Variants in RBFOX1 observed in about 807,000 individuals in gnomAD.
The protein encoded by RBFOX1 is RNA binding fox-1 homolog 1, also known as RNA binding protein fox-1 homolog 1.
A neutral mutation model predicts 57.7 loss-of-function variants in RBFOX1; 8 were observed. The ratio of observed to expected loss-of-function variants is 0.14; its 90% confidence interval spans 0.08 to 0.25. The LOEUF is 0.25. RBFOX1 is among the 10% of genes least tolerant of loss of function. The pLI, the probability that RBFOX1 is intolerant of heterozygous loss-of-function variation, is 1.00. For synonymous variants in RBFOX1, 326 were observed against 222.4 expected (o/e 1.47, Z -4.15); for missense variants, 611 against 548.5 (o/e 1.11, Z -1.14).
At chr16:5,395,262 G>C (rs535719888) in intron 1 of RBFOX1, among the ~76,000 whole-genome samples, 1 of 152,340 alleles carries the variant, frequency 6.6e-6, no homozygotes, top group East Asian at 1.9e-4. Flanking sequence ...CAGGCACAAA[G>C]GGTGGCTGCA....
chr16:6,527,508 T>A lies in RBFOX1; in HGVS notation c.-63-127095T>A, dbSNP rs546627164. ...AAGTTGAATGTATAATTTTTATGGA[T>A]TTTTGGTTATGTTTCTGTCTGTTCA... On this transcript the variant is annotated intron_variant, in intron 2 of 15. Transcript: ENST00000550418. 1.7e-4 allele frequency among the ~76,000 whole-genome samples: 26 copies of A among 152,262 alleles called. No individual in the cohort carries two copies. In the South Asian group the frequency reaches 3.7e-3, roughly 22 times the overall value.
intron 2 of RBFOX1, among the ~76,000 whole-genome samples, chr16:6,619,381 C>G: frequency 6.6e-6 from 1 of 152,158 alleles, no homozygotes; most frequent in Non-Finnish European, 1.5e-5. Flanking sequence ...ATGCCAAGCC[C>G]CACATAAAAG....
chr16:5,639,704 G>T (rs999699587), intron 3 of RBFOX1, among the ~76,000 whole-genome samples: 1 of 152,152 alleles, frequency 6.6e-6, no homozygotes, highest in African/African-American at 2.4e-5. Flanking sequence ...GGCTGTAGGT[G>T]GCTGAGGTGG....
At chr16:6,596,761 G>GGAT (rs2097780228) in intron 2 of RBFOX1, among the ~76,000 whole-genome samples, 1 of 152,100 alleles carries the variant, frequency 6.6e-6, no homozygotes, top group Non-Finnish European at 1.5e-5. Flanking sequence ...CTTCCTTCTT[G>GGAT]GATATACATG....
At chr16:6,968,821 G>T (rs201273308) in intron 3 of RBFOX1, among the ~76,000 whole-genome samples, 538 of 142,070 alleles carry the variant, frequency 3.8e-3, no homozygotes, top group Non-Finnish European at 4.8e-3. Context: ...AGGTTTTTTT[G>T]TTTTTTTTTT....
chr16:5,251,405 T>C (rs553547333), intron 1 of RBFOX1, among the ~76,000 whole-genome samples: 62 of 152,362 alleles, frequency 4.1e-4, no homozygotes, highest in African/African-American at 1.3e-3. Context: ...GGGCTGTTGC[T>C]GATACGTGGT....
intron 4 of RBFOX1, among the ~76,000 whole-genome samples, chr16:7,498,076 C>G (rs762819644): frequency 2.0e-5 from 3 of 152,176 alleles, no homozygotes; most frequent in Non-Finnish European, 2.9e-5. Flanking sequence ...AAGTTATGTT[C>G]TGTTCCGAAG....
intron 3 of RBFOX1, among the ~76,000 whole-genome samples, chr16:6,785,020 C>A (rs2081688592): frequency 6.6e-6 from 1 of 152,028 alleles, no homozygotes; most frequent in East Asian, 1.9e-4. Flanking sequence ...ATTTGTTGCA[C>A]TTCTGAGTGA....
At chr16:7,144,540 T>A (rs1330060586) in intron 4 of RBFOX1, among the ~76,000 whole-genome samples, 2 of 148,670 alleles carry the variant, frequency 1.3e-5, no homozygotes, top group Non-Finnish European at 3.0e-5. Context: ...TGTTCCTGCC[T>A]CAGCCGCAAA....
chr16:7,284,976 G>A (rs965177459), intron 4 of RBFOX1, among the ~76,000 whole-genome samples: 6 of 148,030 alleles, frequency 4.1e-5, no homozygotes, highest in East Asian at 2.0e-4. Flanking sequence ...CCTCGCCAAC[G>A]CCTCATCCCT....
chr16:6,570,190 G>A (rs749501289), intron 2 of RBFOX1, among the ~76,000 whole-genome samples: 4 of 152,168 alleles, frequency 2.6e-5, no homozygotes, highest in Admixed American at 6.5e-5. Flanking sequence ...ACAAGGACAC[G>A]ATTTCATTGA....
intron 1 of RBFOX1, among the ~76,000 whole-genome samples, chr16:6,275,772 A>G (rs1442603992): frequency 6.6e-6 from 1 of 152,228 alleles, no homozygotes; most frequent in Non-Finnish European, 1.5e-5. Context: ...AAATAGAAGA[A>G]AGTGATTATT....
At chr16:6,976,400 C>T (rs1441458983) in intron 3 of RBFOX1, among the ~76,000 whole-genome samples, 1 of 152,036 alleles carries the variant, frequency 6.6e-6, no homozygotes, top group Non-Finnish European at 1.5e-5. Flanking sequence ...TTTCAGAATC[C>T]AGTTTCCAGA....
intron 3 of RBFOX1, among the ~76,000 whole-genome samples, chr16:5,785,468 A>G (rs190368383): frequency 6.6e-6 from 1 of 152,096 alleles, no homozygotes; most frequent in East Asian, 1.9e-4. Context: ...TACCTTCTGT[A>G]TATTATCAGG....
At chr16:6,795,952 G>T (rs1364306093) in intron 3 of RBFOX1, among the ~76,000 whole-genome samples, 1 of 151,988 alleles carries the variant, frequency 6.6e-6, no homozygotes, top group African/African-American at 2.4e-5. Context: ...GAAACATTGG[G>T]ATAAGGGAAT....
chr16:7,683,321 C>G (rs931355855), intron 14 of RBFOX1, among the ~76,000 whole-genome samples: 1 of 151,532 alleles, frequency 6.6e-6, no homozygotes, highest in Admixed American at 6.6e-5. Flanking sequence ...AAATCACACA[C>G]ACACAGAGAC....
At chr16:6,369,134 A>G (rs1308019421) in intron 2 of RBFOX1, among the ~76,000 whole-genome samples, 1 of 152,208 alleles carries the variant, frequency 6.6e-6, no homozygotes, top group East Asian at 1.9e-4. Context: ...GGGATAACTA[A>G]GGGATTCCTA....
intron 4 of RBFOX1, among the ~76,000 whole-genome samples, chr16:5,968,620 G>A (rs187281345): frequency 2.3e-3 from 343 of 152,124 alleles, no homozygotes; most frequent in Middle Eastern, 6.8e-3. Context: ...CAAGATGCCT[G>A]AAGATTTTTT....
At chr16:7,580,176 A>C (rs1022854305) in intron 6 of RBFOX1, among the ~76,000 whole-genome samples, 13 of 152,214 alleles carry the variant, frequency 8.5e-5, no homozygotes, top group African/African-American at 3.1e-4. Flanking sequence ...GCCAAATGGA[A>C]CACAAATTCC....
Sources: allele counts gnomAD v4.1 joint callset (sites outside exome capture counted in the v4.1 genomes callset), GRCh38; gene constraint gnomAD v4.1.1; transcripts MANE v1.5; gene names NCBI Gene and HGNC (gene_info 2026-07-23, HGNC 2026-07-21).